Variants in LINGO3 observed in about 807,000 individuals in gnomAD.
The protein encoded by LINGO3 is leucine-rich repeat and immunoglobulin-like domain-containing nogo receptor-interacting protein 3.
For synonymous variants in LINGO3, 427 were observed against 444.2 expected (o/e 0.96, Z 0.49); for missense variants, 750 against 867.7 (o/e 0.86, Z 1.70).
downstream of LINGO3, among the ~76,000 whole-genome samples, chr19:2,287,767 A>G (rs1342236281): frequency 6.6e-6 from 1 of 152,100 alleles, no homozygotes; most frequent in Non-Finnish European, 1.5e-5. This position sits in a 1 kb window ranked among gnomAD's most constrained non-coding sequence, Gnocchi z 4.5. Flanking sequence ...GACCCATTTT[A>G]CAGATGAGGA....
upstream of LINGO3, among the ~76,000 whole-genome samples, chr19:2,294,565 G>A (rs1599165761): frequency 2.6e-5 from 4 of 152,168 alleles, no homozygotes; most frequent in African/African-American, 7.2e-5. This position sits in a 1 kb window ranked among gnomAD's most constrained non-coding sequence, Gnocchi z 4.3. Context: ...CAGAGGCCCC[G>A]AGGTGTGGCG....
exon 1 of LINGO3, chr19:2,291,367 T>G (rs752808136): frequency 9.9e-6 from 16 of 1,613,256 alleles, no homozygotes; most frequent in Non-Finnish European, 1.4e-5. Flanking sequence ...GATTACCAGC[T>G]TGTTCTCGCT....
In LINGO3 at chr19:2,290,407, G is replaced by GC; in HGVS notation, c.1369dup (p.Ala457GlyfsTer204). The stretch of plus-strand genomic sequence containing the variant: ...CAGCGTCCCCCCGGGGAGCACGCGC[G>GC]CCCGGCCCGCGCTGGTGGCCGTCAC... On this transcript the variant is annotated frameshift_variant, in exon 1 of 1. Transcript: ENST00000585527. LOFTEE classifies it low-confidence loss of function (END_TRUNC). The surrounding 1 kb of genome is among the most constrained non-coding windows in gnomAD (Gnocchi z 6.0). 7.0e-7 allele frequency: 1 copy of GC among 1,428,818 alleles called. No individual in the cohort carries two copies. 88.5% of individuals were successfully genotyped at this position (1,428,818 alleles called of 1,614,324 possible).
At chr19:2,298,936 A>C in the LINGO3 span, among the ~76,000 whole-genome samples, 186 of 152,292 alleles carry the variant, frequency 1.2e-3, no homozygotes, top group Non-Finnish European at 1.9e-3. Context: ...GCTAGGTCAC[A>C]GTCACACTGA....
the LINGO3 span, among the ~76,000 whole-genome samples, chr19:2,303,508 T>G: frequency 1.5e-4 from 21 of 143,068 alleles, no homozygotes; most frequent in Non-Finnish European, 2.6e-4. Context: ...CTTGCGGGGG[T>G]GGGAGCCCTA....
chr19:2,290,925 C>G lies in LINGO3; in HGVS notation c.852G>C (p.Thr284=). 1 of 1,611,842 alleles carries G rather than the reference C, an allele frequency of 6.2e-7. No homozygotes were observed. The highest frequency in any genetic ancestry group is 8.5e-7 in the Non-Finnish European group (1 of 1,179,458). ...GGTCCCGGAACGACCCCCGCGGCAC[C>G]GTGCTGATGGGGTTGTGCGACAGAT... Residue 284 remains threonine (T), a synonymous_variant, in exon 1 of 1, where the codon ACG becomes ACC. Coordinates refer to ENST00000585527, the Ensembl canonical transcript of LINGO3. This position sits in a 1 kb window ranked among gnomAD's most constrained non-coding sequence, Gnocchi z 6.0.
chr19:2,306,062 G>T, the LINGO3 span, among the ~76,000 whole-genome samples: 2 of 152,260 alleles, frequency 1.3e-5, no homozygotes, highest in Non-Finnish European at 1.5e-5. Flanking sequence ...GGGGGCCGTG[G>T]ACTGCCCTCT....
upstream of LINGO3, among the ~76,000 whole-genome samples, chr19:2,293,606 G>A (rs996276499): frequency 1.5e-5 from 2 of 134,714 alleles, no homozygotes; most frequent in African/African-American, 5.6e-5. Context: ...GTAATCCACC[G>A]GCCTTGGCCT....
At chr19:2,301,575 A>G in the LINGO3 span, among the ~76,000 whole-genome samples, 1 of 152,156 alleles carries the variant, frequency 6.6e-6, no homozygotes, top group South Asian at 2.1e-4. Context: ...GGGGAGGCGG[A>G]GACCCAGAGA....
At chr19:2,292,543 G>GTTC (rs2025535647), upstream of LINGO3, among the ~76,000 whole-genome samples, 1 of 151,924 alleles carries the variant, frequency 6.6e-6, no homozygotes, top group African/African-American at 2.4e-5. Context: ...AGGCTGGAGT[G>GTTC]CAGTGGCTTG....
chr19:2,303,128 C>T, the LINGO3 span, among the ~76,000 whole-genome samples: 1 of 152,238 alleles, frequency 6.6e-6, no homozygotes, highest in African/African-American at 2.4e-5. Flanking sequence ...TCAGCAGTCA[C>T]TCCCAGCCCC....
chr19:2,299,884 C>T, the LINGO3 span, among the ~76,000 whole-genome samples: 14 of 149,364 alleles, frequency 9.4e-5, no homozygotes, highest in South Asian at 1.1e-3. Context: ...CCACCACGCC[C>T]GGCTAATTTT....
At chr19:2,291,408 C>G in exon 1 of LINGO3, 1 of 1,613,434 alleles carries the variant, frequency 6.2e-7, no homozygotes, top group Non-Finnish European at 8.5e-7. Context: ...TGTCCAGGCG[C>G]GTGAAGACCC....
chr19:2,303,546 A>G, the LINGO3 span, among the ~76,000 whole-genome samples: 1 of 152,130 alleles, frequency 6.6e-6, no homozygotes, highest in Non-Finnish European at 1.5e-5. Flanking sequence ...CACACGGGGC[A>G]CTGAACCCCC....
exon 1 of LINGO3, chr19:2,291,648 G>A (rs2025524568): frequency 9.2e-6 from 13 of 1,416,162 alleles, no homozygotes; most frequent in Non-Finnish European, 1.1e-5. Context: ...CGGTCAGGCG[G>A]CGGCGCGTGC....
upstream of LINGO3, among the ~76,000 whole-genome samples, chr19:2,296,896 G>C (rs1295247996): frequency 1.3e-5 from 2 of 150,958 alleles, no homozygotes; most frequent in East Asian, 4.1e-4. Flanking sequence ...AGACCATCCT[G>C]GCTAACATGG....
At chr19:2,293,782 G>A (rs1489355597), upstream of LINGO3, among the ~76,000 whole-genome samples, 1 of 151,716 alleles carries the variant, frequency 6.6e-6, no homozygotes, top group Non-Finnish European at 1.5e-5. Flanking sequence ...GCCGGGCGCG[G>A]TGGCTCACGC....
the LINGO3 span, among the ~76,000 whole-genome samples, chr19:2,299,641 G>C: frequency 6.4e-3 from 952 of 149,046 alleles, 18 homozygotes; most frequent in African/African-American, 0.023. Context: ...AGCCAGGATG[G>C]TCTCGATCTC....
chr19:2,290,715 C>G lies in LINGO3; in HGVS notation c.1062G>C (p.Leu354=), dbSNP rs2025510000. 1.4e-5 allele frequency: 22 copies of G among 1,612,360 alleles called. No homozygotes were observed. Among genetic ancestry groups the G allele is most frequent in the Non-Finnish European group, 1.9e-5 (22 of 1,179,606 alleles). ...TCCACAGCAGGCGACAGTCGCAGGC[C>G]AGCGGGTTCCCGTCCACGCGCAGCG... The change falls in exon 1 of 1, where the codon CTG becomes CTC. Residue 354 remains leucine (L), a synonymous_variant. Coordinates refer to ENST00000585527, the Ensembl canonical transcript of LINGO3. The surrounding 1 kb of genome is among the most constrained non-coding windows in gnomAD (Gnocchi z 6.0).
Sources: gnomAD v4.1 joint callset for allele counts (sites outside exome capture counted in the v4.1 genomes callset) on GRCh38, gnomAD v4.1.1 for gene constraint, Gnocchi (gnomAD v3.1) non-coding constraint, MANE v1.5 for transcripts, NCBI Gene and HGNC (gene_info 2026-07-23, HGNC 2026-07-21) for gene names.